The following PRMT8 variants were observed in gnomAD, a reference collection of about 807,000 sequenced individuals.
PRMT8 encodes protein arginine N-methyltransferase 8.
In PRMT8, 7 loss-of-function variants were observed where a neutral mutation model predicts 47.1. That is an observed-to-expected ratio of 0.15 (90% confidence interval 0.08 to 0.28). The LOEUF is 0.28. PRMT8 is among the 10% of genes least tolerant of loss of function. PRMT8 has a pLI of 1.00. For missense variants in PRMT8, 237 were observed against 505.4 expected, an observed-to-expected ratio of 0.47 and a Z score of 5.09; for synonymous variants, 188 against 186.5, an observed-to-expected ratio of 1.01 and a Z score of -0.07.
chr12:3,429,742 C>T (rs1488826967), intron 1 of PRMT8, among the ~76,000 whole-genome samples: 2 of 152,244 alleles, frequency 1.3e-5, no homozygotes, highest in African/African-American at 4.8e-5. Flanking sequence ...AGTGCCAGTT[C>T]CTTCCCGGTG....
chr12:3,497,852 G>T (rs1865532717), intron 1 of PRMT8, among the ~76,000 whole-genome samples: 1 of 152,198 alleles, frequency 6.6e-6, no homozygotes, highest in Admixed American at 6.5e-5. Flanking sequence ...GAATGTTAAA[G>T]TTGGGTGGAA....
At position 3,409,343 on chromosome 12, in the gene PRMT8, G is replaced by A. The variant is rs1297019674; in HGVS notation, c.48+27901G>A. 6.6e-6 allele frequency among the ~76,000 whole-genome samples: 1 copy of A among 152,134 alleles called. No individual in the cohort carries two copies. Among genetic ancestry groups the A allele is most frequent in the Admixed American group, 6.5e-5 (1 of 15,270 alleles). ...AGAACACAGCTGTAATTCAGGAGCT[G>A]GAGCCAATAGGTCACAGCAGCAACT... On this transcript the variant is annotated intron_variant, in intron 1 of 9. Coordinates refer to the PRMT8 transcript ENST00000452611. The surrounding 1 kb of genome is among the most constrained non-coding windows in gnomAD (Gnocchi z 4.4).
Position 3,448,893 on chromosome 12 carries a change from T to A in PRMT8, c.48+67451T>A, listed in dbSNP as rs117311318. On this transcript the variant is annotated intron_variant, in intron 1 of 9. Transcript: ENST00000452611. Reference sequence around the variant, plus strand: ...ATTTATCCTGATGCACTCCTTCTCCTTGCACCCCCATAGGCCCCAGTGTGT... The same window carrying A: ...ATTTATCCTGATGCACTCCTTCTCCATGCACCCCCATAGGCCCCAGTGTGT... Among the ~76,000 whole-genome samples, 84 of 152,136 alleles carry A rather than the reference T, an allele frequency of 5.5e-4. 1 individual carries two copies. The East Asian group carries it at 0.015, about 26-fold the overall frequency.
chr12:3,397,959 G>T (rs1360739506), intron 1 of PRMT8, among the ~76,000 whole-genome samples: 1 of 152,204 alleles, frequency 6.6e-6, no homozygotes, highest in African/African-American at 2.4e-5. Context: ...ATTCGGGTGG[G>T]AGTGGCCTGA....
intron 8 of PRMT8, among the ~76,000 whole-genome samples, chr12:3,590,890 G>A (rs138484335): frequency 1.3e-5 from 2 of 152,140 alleles, no homozygotes; most frequent in African/African-American, 2.4e-5. Flanking sequence ...AGGCTGGCCC[G>A]GTCCCTGCCC....
chr12:3,480,553 G>A (rs997431829), intron 1 of PRMT8, among the ~76,000 whole-genome samples: 2 of 152,088 alleles, frequency 1.3e-5, no homozygotes, highest in Non-Finnish European at 2.9e-5. Context: ...ATTTCTCAGG[G>A]GTCTTTTTCT....
chr12:3,589,533 C>T (rs936768472), intron 8 of PRMT8, among the ~76,000 whole-genome samples: 1 of 152,300 alleles, frequency 6.6e-6, no homozygotes, highest in East Asian at 1.9e-4. Flanking sequence ...CCTGCCCCTC[C>T]ACGCCCCCCA....
At chr12:3,521,839 A>G (rs1865885068) in intron 1 of PRMT8, among the ~76,000 whole-genome samples, 1 of 152,178 alleles carries the variant, frequency 6.6e-6, no homozygotes, top group Admixed American at 6.5e-5. Flanking sequence ...CCCAACTGCC[A>G]CTGCCCTGAA....
At chr12:3,420,822 C>G (rs1464922796) in intron 1 of PRMT8, among the ~76,000 whole-genome samples, 1 of 152,204 alleles carries the variant, frequency 6.6e-6, no homozygotes, top group African/African-American at 2.4e-5. Context: ...GAAATCGAGT[C>G]TTGACTCAAA....
At position 3,569,355 on chromosome 12, in the gene PRMT8, C is replaced by T; in HGVS notation, c.625-122C>T. ...CCCTCACCCCAGACAAGGTGACAGT[C>T]CACTGCATGAGAGATGGTGGCAAGG... is the stretch of plus-strand genomic sequence containing the variant. On this transcript the variant is annotated intron_variant, in intron 5 of 9. Transcript: ENST00000382622. This position sits in a 1 kb window ranked among gnomAD's most constrained non-coding sequence, Gnocchi z 8.2. The T allele has an allele frequency of 1.2e-6, 1 of 823,330 alleles. No individual in the cohort carries two copies. The highest frequency in any genetic ancestry group is 2.1e-6 in the Non-Finnish European group (1 of 472,238). The allele number at this position is 823,330 out of a possible 1,614,324, so 51.0% of individuals were successfully genotyped here. A position where few individuals can be genotyped will look rare whatever the true frequency, so the allele number is the denominator to read the frequency against.
intron 1 of PRMT8, among the ~76,000 whole-genome samples, chr12:3,386,549 C>T (rs1864140022): frequency 6.6e-6 from 1 of 152,194 alleles, no homozygotes; most frequent in South Asian, 2.1e-4. Flanking sequence ...TCATCCCCTT[C>T]ATTCTTCTGT....
At chr12:3,551,574 C>T (rs1866422384) in intron 3 of PRMT8, 1 of 152,278 alleles carries the variant, frequency 6.6e-6, no homozygotes, top group African/African-American at 2.4e-5. Context: ...GGGCTCCAGC[C>T]AAGGAGCTGT....
chr12:3,468,518 C>T (rs1387364155), intron 1 of PRMT8, among the ~76,000 whole-genome samples: 2 of 152,248 alleles, frequency 1.3e-5, no homozygotes, highest in Non-Finnish European at 2.9e-5. Context: ...CTCCTCCCAA[C>T]ACTGAGGCCC....
chr12:3,499,280 T>G (rs1337860090), intron 1 of PRMT8, among the ~76,000 whole-genome samples: 1 of 118,778 alleles, frequency 8.4e-6, no homozygotes, highest in East Asian at 2.4e-4. Flanking sequence ...TGTGCCATGC[T>G]GGTGCACTGC....
chr12:3,571,674 GTC>G (rs1324625127), intron 6 of PRMT8, among the ~76,000 whole-genome samples: 1 of 151,890 alleles, frequency 6.6e-6, no homozygotes, highest in Non-Finnish European at 1.5e-5. Context: ...TTGTTCTAGA[GTC>G]TCTGAAAAAT....
intron 1 of PRMT8, among the ~76,000 whole-genome samples, chr12:3,404,434 T>G (rs1174566400): frequency 2.0e-5 from 3 of 152,086 alleles, no homozygotes; most frequent in Non-Finnish European, 4.4e-5. Context: ...GCTCAATGAG[T>G]TATCGCTAAG....
chr12:3,559,823 G>A (rs17835992), intron 4 of PRMT8, among the ~76,000 whole-genome samples: 43,649 of 151,998 alleles, frequency 0.29, 6,521 homozygotes, highest in East Asian at 0.46. Flanking sequence ...ATGCTGACCC[G>A]TTGTGGCATC....
At chr12:3,579,174 CT>C (rs1323053912) in intron 7 of PRMT8, among the ~76,000 whole-genome samples, 2 of 152,282 alleles carry the variant, frequency 1.3e-5, no homozygotes, top group East Asian at 3.9e-4. Flanking sequence ...ACTAGTGCAA[CT>C]GAATTTGCCA....
chr12:3,467,807 C>T (rs1565415047), intron 1 of PRMT8, among the ~76,000 whole-genome samples: 2 of 152,234 alleles, frequency 1.3e-5, no homozygotes, highest in Non-Finnish European at 2.9e-5. Flanking sequence ...ATTCCTAGAA[C>T]AGAACGCACC....
Sources: gnomAD v4.1 joint callset for allele counts (sites outside exome capture counted in the v4.1 genomes callset) on GRCh38, gnomAD v4.1.1 for gene constraint, Gnocchi (gnomAD v3.1) non-coding constraint, MANE v1.5 for transcripts, NCBI Gene and HGNC (gene_info 2026-07-23, HGNC 2026-07-21) for gene names.